PCDH15: variants seen among roughly 807,000 people sequenced by gnomAD.
PCDH15 encodes protocadherin related 15.
In PCDH15, 129 loss-of-function variants were observed where a neutral mutation model predicts 178.5. The ratio of observed to expected loss-of-function variants is 0.72; its 90% CI spans 0.63 to 0.84. The LOEUF (loss-of-function observed/expected upper bound fraction) is 0.84. Among genes scored for constraint, PCDH15 ranks in the 40% least tolerant of loss-of-function variants. The probability of loss-of-function intolerance (pLI) is 0.00; values close to 1 mark genes in which losing one functional copy is unlikely to be tolerated. For missense variants in PCDH15, 2,230 were observed against 2,099.9 expected (o/e 1.06, Z -1.21); for synonymous variants, 800 against 732.0 (o/e 1.09, Z -1.50).
chr10:54,651,201 G>T (rs1226581096), intron 2 of PCDH15, among the ~76,000 whole-genome samples: 12 of 151,984 alleles, frequency 7.9e-5, no homozygotes, highest in Admixed American at 7.2e-4. Flanking sequence ...AAAGCAAAAA[G>T]ACTTTAAAAC....
chr10:53,981,374 CTT>C (rs1228840605), intron 21 of PCDH15, among the ~76,000 whole-genome samples: 1 of 152,126 alleles, frequency 6.6e-6, no homozygotes, highest in African/African-American at 2.4e-5. Context: ...AACTTGAAAA[CTT>C]AGGGAATTTC....
chr10:55,092,517 TTTAA>T (rs1842342596), intron 2 of PCDH15, among the ~76,000 whole-genome samples: 2 of 151,936 alleles, frequency 1.3e-5, no homozygotes, highest in Non-Finnish European at 2.9e-5. Flanking sequence ...AGAAAGGCAC[TTTAA>T]TTAATATTGT....
intron 2 of PCDH15, among the ~76,000 whole-genome samples, chr10:55,547,952 A>AGAGAGC (rs1841925909): frequency 6.1e-5 from 9 of 146,346 alleles, no homozygotes; most frequent in Non-Finnish European, 1.2e-4. Context: ...AGAGAGAGAG[A>AGAGAGC]CAGGGACAGA....
In PCDH15 at chr10:55,252,223, A is replaced by C. The variant is rs139462107; in HGVS notation, c.-156+67376T>G. On this transcript the variant is annotated intron_variant, in intron 1 of 5. Coordinates refer to the PCDH15 transcript ENST00000458638. ...TTACAGAGTTATAAGCAAAATCCCC[A>C]AAACATTCAGATCCTGACAGAGATG... Among the ~76,000 whole-genome samples, 346 of 152,230 alleles carry C rather than the reference A, an allele frequency of 2.3e-3. 2 individuals are homozygous for C. The highest frequency in any genetic ancestry group is 2.9e-3 in the Non-Finnish European group (200 of 67,978).
intron 6 of PCDH15, among the ~76,000 whole-genome samples, chr10:54,337,423 G>C (rs1941397642): frequency 6.6e-6 from 1 of 152,096 alleles, no homozygotes. Context: ...AGTGTTGAGG[G>C]AGGGACCCGG....
intron 2 of PCDH15, among the ~76,000 whole-genome samples, chr10:55,057,088 A>G (rs1357589221): frequency 1.3e-5 from 2 of 152,176 alleles, no homozygotes; most frequent in Non-Finnish European, 2.9e-5. Flanking sequence ...AATGAAGTAA[A>G]GATAAATAGA....
At chr10:55,176,363 G>T (rs1244405196) in intron 1 of PCDH15, among the ~76,000 whole-genome samples, 1 of 152,046 alleles carries the variant, frequency 6.6e-6, no homozygotes, top group African/African-American at 2.4e-5. Context: ...CATCCTTATG[G>T]TTCCAGGGTA....
At chr10:54,177,113 T>C (rs1008847824) in intron 13 of PCDH15, among the ~76,000 whole-genome samples, 4 of 152,166 alleles carry the variant, frequency 2.6e-5, no homozygotes, top group Admixed American at 6.5e-5. Flanking sequence ...ATATGGGCTA[T>C]TATGTCATGA....
intron 15 of PCDH15, among the ~76,000 whole-genome samples, chr10:54,129,301 T>C (rs1448054193): frequency 1.3e-5 from 2 of 152,188 alleles, no homozygotes; most frequent in African/African-American, 4.8e-5. Context: ...ATACATATTA[T>C]AGTAAAAAGT....
At chr10:55,495,932 A>G (rs1272232899) in intron 2 of PCDH15, among the ~76,000 whole-genome samples, 1 of 151,926 alleles carries the variant, frequency 6.6e-6, no homozygotes, top group Non-Finnish European at 1.5e-5. Context: ...TGACTATATC[A>G]TAGGATTCTA....
rs115298961 is a variant in PCDH15, at chr10:55,624,411, C to T, written c.-156+3214G>A. On this transcript the variant is annotated intron_variant, in intron 2 of 5. Coordinates refer to the PCDH15 transcript ENST00000613346. ...TGCAAGCTGCATTTTTTTTTAATTT[C>T]GACATGTAGATAGTTTAAACTAGAA... Among the ~76,000 whole-genome samples the T allele has an allele frequency of 7.7e-3, 1,158 of 149,950 alleles. 29 individuals carry two copies. The highest frequency in any genetic ancestry group is 0.028 in the African/African-American group (1,105 of 39,996).
At chr10:55,062,426 TA>T (rs1564760592) in intron 2 of PCDH15, among the ~76,000 whole-genome samples, 1 of 152,182 alleles carries the variant, frequency 6.6e-6, no homozygotes, top group Non-Finnish European at 1.5e-5. Context: ...GCCATCAGAA[TA>T]GACTAAGACA....
intron 8 of PCDH15, among the ~76,000 whole-genome samples, chr10:54,303,960 T>A (rs188074242): frequency 1.3e-5 from 2 of 152,126 alleles, no homozygotes; most frequent in Admixed American, 1.3e-4. Flanking sequence ...TTAAAAGCAA[T>A]TTTTTAAGAA....
At chr10:54,589,806 C>T (rs561433108) in intron 2 of PCDH15, among the ~76,000 whole-genome samples, 1 of 152,190 alleles carries the variant, frequency 6.6e-6, no homozygotes, top group Admixed American at 6.5e-5. Flanking sequence ...CTATGTTAAC[C>T]AGGGTGATCT....
chr10:55,009,243 C>T lies in PCDH15; in HGVS notation c.-79-111743G>A, dbSNP rs551787661. Among the ~76,000 whole-genome samples the T allele has an allele frequency of 1.6e-4, 21 of 134,206 alleles. No homozygotes were observed. In the East Asian group the frequency reaches 2.3e-3, roughly 15 times the overall value. The allele number at this position is 134,206 out of a possible 152,430, so 88.0% of individuals were successfully genotyped here. On this transcript the variant is annotated intron_variant, in intron 2 of 5. Coordinates refer to the PCDH15 transcript ENST00000458638. The stretch of plus-strand genomic sequence containing the variant: ...TTCCTGAAATTTTGTTTTAATTGCA[C>T]GCACAGATGTGTGTGTGTGTGTGTG...
Position 55,118,491 on chromosome 10 carries a change from C to G in PCDH15, c.-80+48085G>C, listed in dbSNP as rs2132063494. On this transcript the variant is annotated intron_variant, in intron 2 of 5. Coordinates refer to the PCDH15 transcript ENST00000458638. ...AACTTTGACTGTATATTAAAATTTTCTGAGGGGACTTTGAAAAAATCCCAG... is the reference window on the plus strand; with the variant it reads ...AACTTTGACTGTATATTAAAATTTTGTGAGGGGACTTTGAAAAAATCCCAG... Among the ~76,000 whole-genome samples the G allele has an allele frequency of 1.3e-5, 2 of 152,232 alleles. 1 individual carries two copies. Among genetic ancestry groups the G allele is most frequent in the Middle Eastern group, 6.8e-3 (2 of 294 alleles).
chr10:53,957,515 T>G (rs1206690217), intron 23 of PCDH15, among the ~76,000 whole-genome samples: 1 of 151,454 alleles, frequency 6.6e-6, no homozygotes, highest in Non-Finnish European at 1.5e-5. Flanking sequence ...TTTTTTTTTT[T>G]TCCTGATAAC....
chr10:55,183,663 C>A (rs1839713804), intron 1 of PCDH15, among the ~76,000 whole-genome samples: 1 of 103,506 alleles, frequency 9.7e-6, no homozygotes, highest in Admixed American at 1.3e-4. Flanking sequence ...GCGGGGGTAA[C>A]AACATTAAAA....
intron 23 of PCDH15, among the ~76,000 whole-genome samples, chr10:53,945,837 GTA>G (rs56389905): frequency 0.022 from 2,607 of 118,002 alleles, 36 homozygotes; most frequent in Middle Eastern, 0.034. Context: ...ATATTTCATT[GTA>G]TATATATATA....
Sources: allele counts gnomAD v4.1 joint callset (sites outside exome capture counted in the v4.1 genomes callset), GRCh38; gene constraint gnomAD v4.1.1; transcripts MANE v1.5; gene names NCBI Gene and HGNC (gene_info 2026-07-23, HGNC 2026-07-21).